The following EML6 variants were observed in gnomAD, a reference collection of about 807,000 sequenced individuals.
EML6 encodes the protein echinoderm microtubule-associated protein-like 6.
EML6 carries 154 observed loss-of-function variants against 240.1 expected under a neutral mutation model. That is an observed-to-expected ratio of 0.64 (90% CI 0.56 to 0.73). EML6 has a LOEUF of 0.73. Among genes scored for constraint, EML6 ranks in the 30% least tolerant of loss-of-function variants. The pLI, the probability that EML6 is intolerant of heterozygous loss-of-function variation, is 0.00. For missense variants in EML6, 2,964 were observed against 2,474.6 expected (o/e 1.20, Z -4.20); for synonymous variants, 1,148 against 899.0 (o/e 1.28, Z -4.95).
chr2:54,753,313 C>T (rs1035415248), intron 2 of EML6, among the ~76,000 whole-genome samples: 3 of 152,100 alleles, frequency 2.0e-5, no homozygotes, highest in East Asian at 1.9e-4. Flanking sequence ...AAAGATATAT[C>T]GATGTCCTGA....
intron 35 of EML6, among the ~76,000 whole-genome samples, chr2:54,960,651 A>T (rs982889925): frequency 3.3e-5 from 5 of 152,164 alleles, no homozygotes; most frequent in African/African-American, 1.2e-4. Context: ...AGGAGATGTT[A>T]GCTACTAGTA....
intron 2 of EML6, among the ~76,000 whole-genome samples, chr2:54,808,062 C>T (rs13425872): frequency 0.18 from 27,034 of 152,176 alleles, 2,608 homozygotes; most frequent in Admixed American, 0.3. Flanking sequence ...ATGGATTATA[C>T]GGGTTCTGTG....
chr2:54,917,373 T>TTTTTTTTTTTTTTG (rs1558684013), intron 26 of EML6, among the ~76,000 whole-genome samples: 2 of 145,124 alleles, frequency 1.4e-5, no homozygotes, highest in Non-Finnish European at 3.0e-5. Flanking sequence ...TTTTTTTTTT[T>TTTTTTTTTTTTTTG]TTGTTTTTTG....
At chr2:54,904,494 T>C (rs1558669856) in intron 24 of EML6, among the ~76,000 whole-genome samples, 1 of 152,054 alleles carries the variant, frequency 6.6e-6, no homozygotes, top group Non-Finnish European at 1.5e-5. Context: ...GGAGTGACCT[T>C]TGAGGTTGAT....
chr2:54,957,833 T>C lies in EML6; in HGVS notation c.4530T>C (p.Phe1510=). ...GAGGGGGTCACCTGGAGCGCATATT[T>C]GTGGTGGAATTTCGCCCCGACTCAG... ...ASRGGHLERI[F]VVEFRPDSDT... is the part of the protein sequence containing the mutation. The change falls in exon 33 of 42, where the codon TTT becomes TTC. Residue 1510 remains phenylalanine, a synonymous_variant. Coordinates refer to ENST00000356458, the MANE Select transcript of EML6 (RefSeq NM_001039753.4). 1 of 1,550,402 alleles carries C rather than the reference T, an allele frequency of 6.4e-7. No individual in the cohort carries two copies. The highest frequency in any genetic ancestry group is 1.4e-5 in the African/African-American group (1 of 73,106).
At position 54,725,751 on chromosome 2, in the gene EML6, A is replaced by G. The variant is rs1395925488; in HGVS notation, c.197+493A>G. Among the ~76,000 whole-genome samples the G allele has an allele frequency of 6.6e-6, 1 of 152,216 alleles. No homozygotes were observed. Among genetic ancestry groups the G allele is most frequent in the African/African-American group, 2.4e-5 (1 of 41,456 alleles). ...CATCTCAGATGCTTTGGACCTGGGA[A>G]ATTTCTGCAGTGGGTGGGGAGTTTG... On this transcript the variant is annotated intron_variant, in intron 2 of 41. Transcript: ENST00000356458. The surrounding 1 kb of genome is among the most constrained non-coding windows in gnomAD (Gnocchi z 4.3).
chr2:54,816,821 CA>C lies in EML6; in HGVS notation c.393del (p.Val132SerfsTer40). On this transcript the variant is annotated frameshift_variant, in exon 4 of 42. Coordinates refer to ENST00000356458, the MANE Select transcript of EML6 (RefSeq NM_001039753.4). LOFTEE classifies it high-confidence loss of function. ...LASVGLDAKN[T>X]VCIWDWRKGK... The stretch of plus-strand genomic sequence containing the variant: ...TCTGTGGGGTTGGATGCCAAAAACA[CA>C]GTCTGCATTTGGGACTGGAGGAAGG... 6.4e-7 allele frequency: 1 copy of C among 1,551,512 alleles called. No individual in the cohort carries two copies. Among genetic ancestry groups the C allele is most frequent in the Non-Finnish European group, 8.7e-7 (1 of 1,146,832 alleles).
chr2:54,788,611 G>A, intron 2 of EML6, among the ~76,000 whole-genome samples: 1 of 152,176 alleles, frequency 6.6e-6, no homozygotes, highest in East Asian at 1.9e-4. Context: ...TTAGCAAAAT[G>A]ATCAAACAAG....
chr2:54,829,530 A>C lies in EML6; in HGVS notation c.847+53A>C. On this transcript the variant is annotated intron_variant, in intron 7 of 41. Coordinates refer to ENST00000356458, the MANE Select transcript of EML6 (RefSeq NM_001039753.4). ...ACTCTGGATGTGAAATATAATGTGA[A>C]GTTCTGTATTCATATTTGTTTCTCT... 3 of 1,417,960 alleles carry C rather than the reference A, an allele frequency of 2.1e-6. No individual in the cohort carries two copies. The South Asian group carries it at 3.9e-5, about 18-fold the overall frequency. 87.8% of individuals were successfully genotyped at this position (1,417,960 alleles called of 1,614,324 possible). A position where few individuals can be genotyped will look rare whatever the true frequency, so the allele number is the denominator to read the frequency against.
intron 24 of EML6, among the ~76,000 whole-genome samples, chr2:54,908,272 C>T (rs1034305349): frequency 1.3e-5 from 2 of 149,466 alleles, no homozygotes; most frequent in African/African-American, 4.9e-5. Flanking sequence ...TGCTGTGGTG[C>T]AATCTCAGAT....
At chr2:54,858,707 C>T (rs896461788) in intron 11 of EML6, among the ~76,000 whole-genome samples, 2 of 152,186 alleles carry the variant, frequency 1.3e-5, no homozygotes, top group African/African-American at 4.8e-5. Flanking sequence ...ATGAGCATGA[C>T]ATGTAGCAGT....
rs1553416852 is a variant in EML6, at chr2:54,923,367, G to GCACGCA, written c.3676-4943_3676-4942insGCACAC. Among the ~76,000 whole-genome samples the GCACGCA allele has an allele frequency of 6.2e-5, 9 of 144,462 alleles. No homozygotes were observed. In the East Asian group the frequency reaches 1.0e-3, roughly 16 times the overall value. The allele number at this position is 144,462 out of a possible 152,430, so 94.8% of individuals were successfully genotyped here. On this transcript the variant is annotated intron_variant, in intron 26 of 41. Coordinates refer to ENST00000356458, the MANE Select transcript of EML6 (RefSeq NM_001039753.4). ...TAGATCCTAAGTGTCCTCACCAAAC[G>GCACGCA]CACACACACACACACACACACACAC...
chr2:54,869,445 A>C (rs1671141300), intron 15 of EML6, 78 bp downstream of exon 15: 1 of 1,092,856 alleles, frequency 9.2e-7, no homozygotes, highest in South Asian at 1.6e-5. Context: ...TTAGAAATTC[A>C]AGAAATGCTT....
chr2:54,767,643 TG>T (rs1349678195), intron 2 of EML6, among the ~76,000 whole-genome samples: 2 of 151,452 alleles, frequency 1.3e-5, no homozygotes, highest in African/African-American at 2.4e-5. Flanking sequence ...TGTGTGTGTG[TG>T]TATGTTGCAA....
At chr2:54,801,713 A>G (rs1218266334) in intron 2 of EML6, among the ~76,000 whole-genome samples, 1 of 152,244 alleles carries the variant, frequency 6.6e-6, no homozygotes, top group East Asian at 1.9e-4. Flanking sequence ...TTTCTTCTGA[A>G]CAAACTATTG....
At chr2:54,900,747 T>C (rs762348744) in intron 22 of EML6, among the ~76,000 whole-genome samples, 10 of 152,164 alleles carry the variant, frequency 6.6e-5, no homozygotes, top group African/African-American at 1.4e-4. Flanking sequence ...AGGGAGCCCA[T>C]TGATGCTCTC....
At chr2:54,962,360 G>A (rs375438448) in intron 35 of EML6, among the ~76,000 whole-genome samples, 163 bp from the exon 36 acceptor site, 3 of 152,062 alleles carry the variant, frequency 2.0e-5, no homozygotes, top group African/African-American at 7.2e-5. Context: ...TTGCAAAACT[G>A]TAACTGTACC....
At chr2:54,895,541 G>T in intron 21 of EML6, 141 bp downstream of exon 21, 1 of 747,050 alleles carries the variant, frequency 1.3e-6, no homozygotes, top group South Asian at 1.9e-5. Context: ...ACCTATTGCT[G>T]TGTAACAAAT....
intron 17 of EML6, among the ~76,000 whole-genome samples, chr2:54,884,797 C>T (rs1447642057): frequency 6.6e-6 from 1 of 152,152 alleles, no homozygotes; most frequent in Non-Finnish European, 1.5e-5. Context: ...ATTTTCTGTA[C>T]TTGTTATTTT....
Sources: allele counts gnomAD v4.1 joint callset (sites outside exome capture counted in the v4.1 genomes callset), GRCh38; gene constraint gnomAD v4.1.1; non-coding constraint Gnocchi (gnomAD v3.1); transcripts MANE v1.5; gene names NCBI Gene and HGNC (gene_info 2026-07-23, HGNC 2026-07-21).